The following TGFBR2 variants were observed in gnomAD, a reference collection of about 807,000 sequenced individuals.
TGFBR2 encodes transforming growth factor beta receptor 2.
TGFBR2 carries 18 observed loss-of-function variants against 49.0 expected under a neutral mutation model. The observed-to-expected ratio is 0.37, with a 90% CI of 0.25 to 0.54. The LOEUF (loss-of-function observed/expected upper bound fraction) is 0.54, where lower values mean the gene tolerates loss of function less well. TGFBR2 is among the 20% of genes least tolerant of loss of function. TGFBR2 has a pLI of 0.85. For missense variants in TGFBR2, 525 were observed against 722.6 expected (o/e 0.73, Z 3.13); for synonymous variants, 282 against 275.9 (o/e 1.02, Z -0.22).
At chr3:30,622,572 C>A (rs1303617280) in intron 1 of TGFBR2, among the ~76,000 whole-genome samples, 1 of 151,796 alleles carries the variant, frequency 6.6e-6, no homozygotes, top group Non-Finnish European at 1.5e-5. Context: ...CATTTGCGTA[C>A]TTCTTCAGGC....
At chr3:30,646,587 A>G (rs962387658) in intron 2 of TGFBR2, among the ~76,000 whole-genome samples, 3 of 152,220 alleles carry the variant, frequency 2.0e-5, no homozygotes, top group South Asian at 2.1e-4. Context: ...TGTGCTCAGC[A>G]TAAGTTTAGA....
At chr3:30,652,316 C>G (rs940330961) in intron 3 of TGFBR2, among the ~76,000 whole-genome samples, 12 of 136,666 alleles carry the variant, frequency 8.8e-5, no homozygotes, top group African/African-American at 3.3e-4. Flanking sequence ...CTCACTGCAA[C>G]CTCTGCCTCC....
intron 3 of TGFBR2, among the ~76,000 whole-genome samples, chr3:30,665,973 A>G (rs2125427436): frequency 6.6e-6 from 1 of 152,350 alleles, no homozygotes; most frequent in African/African-American, 2.4e-5. Context: ...ATAGCAGCAG[A>G]TCTAAACAAT....
chr3:30,667,690 C>T lies in TGFBR2; in HGVS notation c.455-3948C>T, dbSNP rs190827430. ...AAAAAGGAATTGAAATTAGCAAATACGACTGTTTTTATAGATATTTAGGAA... is the reference window on the plus strand; with the variant it reads ...AAAAAGGAATTGAAATTAGCAAATATGACTGTTTTTATAGATATTTAGGAA... On this transcript the variant is annotated intron_variant, in intron 3 of 6. Transcript: ENST00000295754. Among the ~76,000 whole-genome samples, 329 of 152,132 alleles carry T rather than the reference C, an allele frequency of 2.2e-3. 2 individuals carry two copies. The highest frequency in any genetic ancestry group is 7.5e-3 in the African/African-American group (313 of 41,498).
intron 3 of TGFBR2, among the ~76,000 whole-genome samples, chr3:30,651,258 C>T (rs542929730): frequency 2.1e-3 from 318 of 152,274 alleles, no homozygotes; most frequent in Non-Finnish European, 2.9e-3. Flanking sequence ...AGTACATTTT[C>T]GTCCTCCCCT....
chr3:30,671,210 G>T (rs902805664), intron 3 of TGFBR2, among the ~76,000 whole-genome samples: 3 of 152,186 alleles, frequency 2.0e-5, no homozygotes, highest in Non-Finnish European at 4.4e-5. Flanking sequence ...AGAAGACATG[G>T]TACCTTCCAG....
chr3:30,634,980 C>T (rs1698503453), intron 1 of TGFBR2, among the ~76,000 whole-genome samples: 1 of 152,178 alleles, frequency 6.6e-6, no homozygotes, highest in Non-Finnish European at 1.5e-5. Flanking sequence ...TGGTTTTTGA[C>T]TCATCTCATA....
At chr3:30,617,035 C>T (rs1482522993) in intron 1 of TGFBR2, among the ~76,000 whole-genome samples, 3 of 151,414 alleles carry the variant, frequency 2.0e-5, no homozygotes, top group Non-Finnish European at 4.4e-5. Flanking sequence ...AAATGCTTTG[C>T]TATGCCTAGG....
intron 1 of TGFBR2, among the ~76,000 whole-genome samples, chr3:30,638,933 G>A (rs1266540598): frequency 6.6e-6 from 1 of 152,112 alleles, no homozygotes; most frequent in Non-Finnish European, 1.5e-5. Flanking sequence ...TATCTGACTC[G>A]GAAATGCTGC....
In TGFBR2 at chr3:30,691,864, T is replaced by A. The variant is rs17026326; in HGVS notation, c.*265T>A. 2.2e-6 allele frequency: 1 copy of A among 464,554 alleles called. No individual in the cohort carries two copies. Among genetic ancestry groups the A allele is most frequent in the East Asian group, 3.7e-5 (1 of 27,108 alleles). The allele number at this position is 464,554 out of a possible 1,614,324, so 28.8% of individuals were successfully genotyped here. A position where few individuals can be genotyped will look rare whatever the true frequency, so the allele number is the denominator to read the frequency against. On this transcript the variant is annotated 3_prime_UTR_variant, in exon 7 of 7. Transcript: ENST00000295754. ...TTGATTTTTACAATAGCCAATAACA[T>A]TTGCACTTTATTAATGCCTGTATAT... is the stretch of plus-strand genomic sequence containing the variant.
At chr3:30,634,069 C>G (rs1444843103) in intron 1 of TGFBR2, among the ~76,000 whole-genome samples, 1 of 152,118 alleles carries the variant, frequency 6.6e-6, no homozygotes, top group African/African-American at 2.4e-5. Flanking sequence ...CTTTCAGGTA[C>G]CAGGCATGCA....
intron 1 of TGFBR2, among the ~76,000 whole-genome samples, chr3:30,639,478 C>T (rs145816239): frequency 8.4e-4 from 128 of 152,300 alleles, no homozygotes; most frequent in Non-Finnish European, 1.3e-3. Flanking sequence ...TGCCTGAGTT[C>T]CCAGGCTGCC....
chr3:30,646,843 C>T (rs948634732), intron 2 of TGFBR2, among the ~76,000 whole-genome samples: 1 of 152,126 alleles, frequency 6.6e-6, no homozygotes, highest in Admixed American at 6.5e-5. Flanking sequence ...ACCAGTAATA[C>T]AAGCCCAAAT....
intron 1 of TGFBR2, among the ~76,000 whole-genome samples, chr3:30,621,853 C>T (rs1372189579): frequency 6.6e-6 from 1 of 152,116 alleles, no homozygotes; most frequent in Non-Finnish European, 1.5e-5. Context: ...CTTCAGGGGA[C>T]AGGAGAGAAT....
intron 1 of TGFBR2, among the ~76,000 whole-genome samples, chr3:30,616,287 C>G (rs1187312525): frequency 1.3e-5 from 2 of 152,152 alleles, no homozygotes; most frequent in Admixed American, 1.3e-4. Flanking sequence ...TGTTATTTCA[C>G]AAAACCAAAA....
intron 1 of TGFBR2, among the ~76,000 whole-genome samples, chr3:30,622,879 C>CAAAAA (rs10575244): frequency 2.6e-5 from 2 of 75,624 alleles, no homozygotes; most frequent in Non-Finnish European, 4.6e-5. Context: ...GACTTTGTCT[C>CAAAAA]AAAAAAAAAA....
At chr3:30,669,553 C>T (rs753779203) in intron 3 of TGFBR2, among the ~76,000 whole-genome samples, 9 of 152,154 alleles carry the variant, frequency 5.9e-5, no homozygotes, top group Non-Finnish European at 1.2e-4. Flanking sequence ...TTGGTTCAAT[C>T]AGGTATGACG....
intron 1 of TGFBR2, among the ~76,000 whole-genome samples, chr3:30,636,925 G>A (rs562706713): frequency 5.9e-5 from 9 of 152,058 alleles, no homozygotes; most frequent in African/African-American, 1.2e-4. Flanking sequence ...TTAGCCAAGC[G>A]TGGTGTTGGG....
intron 5 of TGFBR2, among the ~76,000 whole-genome samples, chr3:30,677,936 G>A (rs1575160553): frequency 1.3e-5 from 2 of 152,212 alleles, no homozygotes; most frequent in South Asian, 4.1e-4. Context: ...TAATTTTAAG[G>A]TATAAGGAAG....
Sources: allele counts gnomAD v4.1 joint callset (sites outside exome capture counted in the v4.1 genomes callset), GRCh38; gene constraint gnomAD v4.1.1; transcripts MANE v1.5; gene names NCBI Gene and HGNC (gene_info 2026-07-23, HGNC 2026-07-21).